The following PRRC2B variants were observed in gnomAD, a reference collection of about 807,000 sequenced individuals.
The protein encoded by PRRC2B is protein PRRC2B.
In PRRC2B, 68 loss-of-function variants were observed where a neutral mutation model predicts 242.3. The observed-to-expected ratio is 0.28, with a 90% CI of 0.23 to 0.34. The LOEUF is 0.34. PRRC2B is among the 10% of genes least tolerant of loss of function. The pLI, the probability that PRRC2B is intolerant of heterozygous loss-of-function variation, is 1.00. For missense variants in PRRC2B, 2,835 were observed against 2,954.8 expected, an observed-to-expected ratio of 0.96 and a Z score of 0.94; for synonymous variants, 1,228 against 1,173.6, an observed-to-expected ratio of 1.05 and a Z score of -0.95.
At chr9:131,435,458 T>C (rs1479490256) in intron 3 of PRRC2B, among the ~76,000 whole-genome samples, 1 of 151,784 alleles carries the variant, frequency 6.6e-6, no homozygotes, top group Non-Finnish European at 1.5e-5. Context: ...CTGCTAAAAA[T>C]ACAAAAATTA....
chr9:131,432,848 G>A (rs1463495233), intron 3 of PRRC2B, 54 bp downstream of exon 3: 2 of 1,581,370 alleles, frequency 1.3e-6, no homozygotes, highest in Non-Finnish European at 1.7e-6. Context: ...GGGTGGTCCC[G>A]GCATCCTTCC....
intron 28 of PRRC2B, among the ~76,000 whole-genome samples, chr9:131,489,836 C>T (rs997884756): frequency 6.6e-6 from 1 of 152,110 alleles, no homozygotes; most frequent in African/African-American, 2.4e-5. Flanking sequence ...AGTGCTGACC[C>T]CGTAATCCCG....
upstream of PRRC2B, among the ~76,000 whole-genome samples, chr9:131,391,396 T>C (rs1836898785): frequency 6.6e-6 from 1 of 152,156 alleles, no homozygotes; most frequent in African/African-American, 2.4e-5. Context: ...CCGACCCTCC[T>C]TCCTTCCTCT....
intron 4 of PRRC2B, 88 bp from the exon 5 acceptor site, chr9:131,438,901 T>TGAGA: frequency 1.0e-6 from 1 of 1,000,720 alleles, no homozygotes; most frequent in Non-Finnish European, 1.5e-6. Flanking sequence ...TCTAAGGTGC[T>TGAGA]GGCCTCTCAG....
At chr9:131,471,985 C>A (rs372881256) in intron 14 of PRRC2B, among the ~76,000 whole-genome samples, 2 of 152,172 alleles carry the variant, frequency 1.3e-5, no homozygotes. Context: ...GGGAGCCTGT[C>A]AGTTTTTGCT....
rs1026349790 is a variant in PRRC2B at position 131,494,671 on chromosome 9, C to A, written c.6555+185C>A. On this transcript the variant is annotated intron_variant, in intron 31 of 31. Transcript: ENST00000683519. This position sits in a 1 kb window ranked among gnomAD's most constrained non-coding sequence, Gnocchi z 4.3. ...CCCTCCTGGCGAAGGCATTTCTCCT[C>A]TTGACGGGCGTCTGGATCCTTCCTT... Among the ~76,000 whole-genome samples the A allele has an allele frequency of 1.5e-4, 23 of 152,234 alleles. No homozygotes were observed. The highest frequency in any genetic ancestry group is 5.3e-4 in the African/African-American group (22 of 41,468).
chr9:131,429,437 GTC>G (rs1838065625), intron 1 of PRRC2B, among the ~76,000 whole-genome samples: 1 of 152,218 alleles, frequency 6.6e-6, no homozygotes, highest in South Asian at 2.1e-4. Context: ...CCCCCATGTG[GTC>G]TCTCCCTTGC....
chr9:131,420,506 T>TCTTTCTTTCTTTC (rs1005688310), intron 1 of PRRC2B, among the ~76,000 whole-genome samples: 2 of 124,682 alleles, frequency 1.6e-5, no homozygotes, highest in African/African-American at 6.3e-5. Flanking sequence ...TTTTTTTTTT[T>TCTTTCTTTCTTTC]TTTTGAGATG....
Position 131,475,685 on chromosome 9 carries a change from G to A in PRRC2B, c.3556G>A (p.Glu1186Lys). 1.2e-6 allele frequency: 2 copies of A among 1,612,590 alleles called. No individual in the cohort carries two copies. Among genetic ancestry groups the A allele is most frequent in the Non-Finnish European group, 1.7e-6 (2 of 1,179,474 alleles). ...DSWRSNKGCSEDHSGLDAKSR... is the reference protein window; with the variant it reads ...DSWRSNKGCSKDHSGLDAKSR... ...TTGGCGGTCCAACAAGGGGTGCTCTGAGGACCACAGCGGTCTAGATGCCAA... is the reference window on the plus strand; with the variant it reads ...TTGGCGGTCCAACAAGGGGTGCTCTAAGGACCACAGCGGTCTAGATGCCAA... Residue 1186 changes from glutamate (E) to lysine (K), a missense_variant, in exon 16 of 32, where the codon GAG (glutamate) becomes AAG (lysine). Coordinates refer to ENST00000683519, the MANE Select transcript of PRRC2B (RefSeq NM_013318.4).
chr9:131,476,826 C>T (rs1308485038), intron 16 of PRRC2B, among the ~76,000 whole-genome samples: 2 of 151,934 alleles, frequency 1.3e-5, no homozygotes, highest in Non-Finnish European at 2.9e-5. Flanking sequence ...GCCGAGGGGC[C>T]GCTGCAGCGA....
chr9:131,466,380 G>A (rs544989592), intron 12 of PRRC2B, among the ~76,000 whole-genome samples: 1 of 152,172 alleles, frequency 6.6e-6, no homozygotes, highest in Admixed American at 6.5e-5. Context: ...AGAAACCCTT[G>A]GTGAACACAT....
chr9:131,405,721 G>T (rs181746185), intron 1 of PRRC2B, among the ~76,000 whole-genome samples: 2 of 152,096 alleles, frequency 1.3e-5, no homozygotes, highest in South Asian at 2.1e-4. Context: ...CTGGCTCCTG[G>T]GGGGGTTATT....
chr9:131,408,627 A>C (rs1837429260), intron 1 of PRRC2B, among the ~76,000 whole-genome samples: 1 of 152,230 alleles, frequency 6.6e-6, no homozygotes, highest in Admixed American at 6.5e-5. Flanking sequence ...CATGACTGCT[A>C]ATATGAATGT....
chr9:131,420,917 T>C (rs367695125), intron 1 of PRRC2B, among the ~76,000 whole-genome samples: 14 of 152,146 alleles, frequency 9.2e-5, no homozygotes, highest in Admixed American at 3.9e-4. Context: ...CACCCTGATA[T>C]GCACACAAGT....
At chr9:131,401,156 T>C (rs1837217402) in intron 1 of PRRC2B, among the ~76,000 whole-genome samples, 1 of 152,036 alleles carries the variant, frequency 6.6e-6, no homozygotes, top group East Asian at 1.9e-4. Flanking sequence ...AGGTGTTTTT[T>C]TCTTTATTTG....
chr9:131,412,920 A>C (rs1837543248), intron 1 of PRRC2B, among the ~76,000 whole-genome samples: 1 of 151,390 alleles, frequency 6.6e-6, no homozygotes, highest in South Asian at 2.1e-4. Context: ...CAGCCTCCCG[A>C]GTAGCTGGGA....
chr9:131,487,163 A>G lies in PRRC2B; in HGVS notation c.5857-4A>G. 2 of 1,613,434 alleles carry G rather than the reference A, an allele frequency of 1.2e-6. No individual in the cohort carries two copies. The highest frequency in any genetic ancestry group is 8.5e-7 in the Non-Finnish European group (1 of 1,179,708). ...CCTCCCCGACCCCGTTTTCCCGTTC[A>G]CAGGCCGCCGCTGCCCAGCAGATCC... On this transcript the variant is annotated splice_polypyrimidine_tract_variant and splice_region_variant and intron_variant, in intron 26 of 31. Coordinates refer to ENST00000683519, the MANE Select transcript of PRRC2B (RefSeq NM_013318.4). This position sits in a 1 kb window ranked among gnomAD's most constrained non-coding sequence, Gnocchi z 5.3.
chr9:131,474,043 G>T (rs1943617648), intron 15 of PRRC2B, among the ~76,000 whole-genome samples: 1 of 152,172 alleles, frequency 6.6e-6, no homozygotes, highest in South Asian at 2.1e-4. Context: ...TCATTTCTGT[G>T]GAAGTAAACA....
intron 1 of PRRC2B, among the ~76,000 whole-genome samples, chr9:131,420,469 C>CT (rs1405228700): frequency 9.4e-5 from 1 of 10,636 alleles, no homozygotes. Context: ...TTCTTTCTTT[C>CT]TTTCTTTCTT....
Sources: gnomAD v4.1 joint callset for allele counts (sites outside exome capture counted in the v4.1 genomes callset) on GRCh38, gnomAD v4.1.1 for gene constraint, Gnocchi (gnomAD v3.1) non-coding constraint, MANE v1.5 for transcripts, NCBI Gene and HGNC (gene_info 2026-07-23, HGNC 2026-07-21) for gene names.